Variants in LRRC72 observed in about 807,000 individuals in gnomAD.
LRRC72 encodes the protein leucine-rich repeat-containing protein 72.
Under a neutral mutation model 35.8 loss-of-function variants are expected in LRRC72, and 41 were observed. The observed-to-expected ratio is 1.15, with a 90% CI of 0.89 to 1.49. The LOEUF is 1.49. Among genes scored for constraint, LRRC72 ranks in the 40% most tolerant of loss-of-function variants. LRRC72 has a pLI of 0.00. For synonymous variants in LRRC72, 118 were observed against 119.2 expected, an observed-to-expected ratio of 0.99 and a Z score of 0.07; for missense variants, 389 against 330.7, an observed-to-expected ratio of 1.18 and a Z score of -1.37.
At chr7:16,541,355 C>G (rs1302432282) in intron 3 of LRRC72, among the ~76,000 whole-genome samples, 1 of 152,164 alleles carries the variant, frequency 6.6e-6, no homozygotes, top group Non-Finnish European at 1.5e-5. Flanking sequence ...AGTAGTAAGT[C>G]CAGATCTCAG....
intron 5 of LRRC72, among the ~76,000 whole-genome samples, chr7:16,561,145 C>T (rs995698470): frequency 2.0e-5 from 3 of 152,218 alleles, no homozygotes; most frequent in East Asian, 1.9e-4. Flanking sequence ...CACTACATGA[C>T]ACTATTCTAG....
At chr7:16,562,528 C>G (rs1782760868) in intron 5 of LRRC72, among the ~76,000 whole-genome samples, 1 of 152,172 alleles carries the variant, frequency 6.6e-6, no homozygotes, top group African/African-American at 2.4e-5. Context: ...TGCTTCCTAC[C>G]GGAGCTTCCA....
intron 3 of LRRC72, among the ~76,000 whole-genome samples, chr7:16,551,679 C>A (rs1036976620): frequency 6.6e-6 from 1 of 151,968 alleles, no homozygotes; most frequent in Non-Finnish European, 1.5e-5. Context: ...GGGTGGTACC[C>A]GGGGGGAGGG....
At chr7:16,536,708 T>C (rs1782265109) in intron 2 of LRRC72, among the ~76,000 whole-genome samples, 1 of 152,170 alleles carries the variant, frequency 6.6e-6, no homozygotes, top group Admixed American at 6.5e-5. Context: ...TATGTTTTTA[T>C]AAAAATTAGA....
Position 16,580,118 on chromosome 7 carries a change from A to G in LRRC72, c.698+17A>G. 1 of 380,168 alleles carries G rather than the reference A, an allele frequency of 2.6e-6. No homozygotes were observed. The highest frequency in any genetic ancestry group is 4.8e-6 in the Non-Finnish European group (1 of 208,572). The allele number at this position is 380,168 out of a possible 1,614,324, so 23.5% of individuals were successfully genotyped here. A position where few individuals can be genotyped will look rare whatever the true frequency, so the allele number is the denominator to read the frequency against. On this transcript the variant is annotated intron_variant, in intron 8 of 8. Transcript: ENST00000401542. ...TGTAGACAAGTAAGTAATTTTATCT[A>G]TACATTTATTATCAGATTATTTCAT...
chr7:16,567,253 T>C (rs1216947381), intron 6 of LRRC72, 138 bp from the exon 7 acceptor site: 1 of 622,274 alleles, frequency 1.6e-6, no homozygotes, highest in African/African-American at 1.9e-5. Flanking sequence ...TGATAGCCCC[T>C]TTACAAAACA....
chr7:16,575,186 T>C (rs2128339157), intron 7 of LRRC72, among the ~76,000 whole-genome samples: 1 of 152,252 alleles, frequency 6.6e-6, no homozygotes, highest in East Asian at 1.9e-4. Context: ...TGGGCACATG[T>C]TCTCAGGATC....
intron 3 of LRRC72, among the ~76,000 whole-genome samples, chr7:16,541,051 G>A (rs1782347846): frequency 6.6e-6 from 1 of 152,132 alleles, no homozygotes; most frequent in Non-Finnish European, 1.5e-5. Context: ...TTAAAGGCTA[G>A]GGTTAAGGAG....
intron 7 of LRRC72, among the ~76,000 whole-genome samples, chr7:16,569,986 C>T (rs1431038176): frequency 2.0e-5 from 3 of 151,146 alleles, no homozygotes; most frequent in South Asian, 2.1e-4. Context: ...GCCGAGATCA[C>T]GCCATTGCAC....
At chr7:16,544,169 AATGT>A (rs1216840118) in intron 3 of LRRC72, among the ~76,000 whole-genome samples, 1 of 152,176 alleles carries the variant, frequency 6.6e-6, no homozygotes, top group Non-Finnish European at 1.5e-5. Flanking sequence ...GAAGGCAATG[AATGT>A]AATTTGGTAA....
At chr7:16,541,075 A>G (rs549650734) in intron 3 of LRRC72, among the ~76,000 whole-genome samples, 1 of 151,974 alleles carries the variant, frequency 6.6e-6, no homozygotes, top group Non-Finnish European at 1.5e-5. Flanking sequence ...GTGTTCTCCC[A>G]CCCCTCCCTC....
At chr7:16,578,736 T>C (rs1185507978) in intron 7 of LRRC72, among the ~76,000 whole-genome samples, 1 of 152,206 alleles carries the variant, frequency 6.6e-6, no homozygotes, top group African/African-American at 2.4e-5. Flanking sequence ...TTATTGTTTA[T>C]ATTCATTGTA....
chr7:16,562,193 C>G (rs1043075454), intron 5 of LRRC72, among the ~76,000 whole-genome samples: 1 of 152,156 alleles, frequency 6.6e-6, no homozygotes. Context: ...GGCCCCACCT[C>G]TTCTCTCTAG....
At chr7:16,571,610 T>C (rs1782946067) in intron 7 of LRRC72, among the ~76,000 whole-genome samples, 1 of 152,130 alleles carries the variant, frequency 6.6e-6, no homozygotes, top group South Asian at 2.1e-4. Context: ...CTTCCTCCCC[T>C]ATCCAAGGGA....
chr7:16,565,816 T>C (rs912180460), intron 5 of LRRC72, among the ~76,000 whole-genome samples: 5 of 152,182 alleles, frequency 3.3e-5, no homozygotes, highest in African/African-American at 1.2e-4. Context: ...TATTGACACA[T>C]TCTGAACTAT....
rs139474241 is a variant in LRRC72 at position 16,545,153 on chromosome 7, C to T, written c.234+7457C>T. On this transcript the variant is annotated intron_variant, in intron 3 of 8. Coordinates refer to ENST00000401542, the MANE Select transcript of LRRC72 (RefSeq NM_001195280.2). ...GTAACAAACCTGCACGTTCTGCACA[C>T]GTATCCCAGAACTTAAGGTAAAATA... Among the ~76,000 whole-genome samples, 267 of 152,174 alleles carry T rather than the reference C, an allele frequency of 1.8e-3. 1 individual carries two copies. Among genetic ancestry groups the T allele is most frequent in the African/African-American group, 6.0e-3 (251 of 41,492 alleles).
rs1305092127 is a variant in LRRC72 at position 16,537,609 on chromosome 7, T to A, written c.165-18T>A. On this transcript the variant is annotated intron_variant, in intron 2 of 8. Transcript: ENST00000401542. Reference sequence around the variant, plus strand: ...GAACTAATTGTTGCTAATGTTCACATTTTTTTTTTCTTTCCAGGGAACTGA... The same window carrying A: ...GAACTAATTGTTGCTAATGTTCACAATTTTTTTTTCTTTCCAGGGAACTGA... 6 of 1,248,726 alleles carry A rather than the reference T, an allele frequency of 4.8e-6. No individual in the cohort carries two copies. Among genetic ancestry groups the A allele is most frequent in the Middle Eastern group, 1.9e-4 (1 of 5,180 alleles). The allele number at this position is 1,248,726 out of a possible 1,614,324, so 77.4% of individuals were successfully genotyped here. A position where few individuals can be genotyped will look rare whatever the true frequency, so the allele number is the denominator to read the frequency against.
At chr7:16,568,302 G>A (rs1782885175) in intron 7 of LRRC72, among the ~76,000 whole-genome samples, 1 of 152,074 alleles carries the variant, frequency 6.6e-6, no homozygotes, top group Non-Finnish European at 1.5e-5. Flanking sequence ...GATAAGAAAA[G>A]GTGCAAAGGT....
In LRRC72 at chr7:16,581,333, T is replaced by G. The variant is rs1318026303; in HGVS notation, c.708T>G (p.Leu236=). The G allele has an allele frequency of 6.0e-6, 9 of 1,510,514 alleles. No homozygotes were observed. The highest frequency in any genetic ancestry group is 8.0e-6 in the Non-Finnish European group (9 of 1,127,190). 93.6% of individuals were successfully genotyped at this position (1,510,514 alleles called of 1,614,324 possible). A position where few individuals can be genotyped will look rare whatever the true frequency, so the allele number is the denominator to read the frequency against. The part of the protein sequence containing the change: ...AFANNVDKTV[L]DDPEDAVFVR... ...TGCTTTTTTTTTGCAGAACTGTGCT[T>G]GATGACCCAGAAGATGCTGTTTTTG... Residue 236 remains leucine, a synonymous_variant, in exon 9 of 9, where the codon CTT becomes CTG. Transcript: ENST00000401542.
Sources: allele counts gnomAD v4.1 joint callset (sites outside exome capture counted in the v4.1 genomes callset), GRCh38; gene constraint gnomAD v4.1.1; transcripts MANE v1.5; gene names NCBI Gene and HGNC (gene_info 2026-07-23, HGNC 2026-07-21).